Variants in INTS14 observed in about 807,000 individuals in gnomAD.
INTS14 encodes integrator complex subunit 14, also known as UPF0464 protein C15orf44.
In INTS14, 27 loss-of-function variants were observed where a neutral mutation model predicts 56.9. The ratio of observed to expected loss-of-function variants is 0.47; its 90% CI spans 0.35 to 0.65. The LOEUF (loss-of-function observed/expected upper bound fraction) is 0.65, where lower values mean the gene tolerates loss of function less well. Ranked by LOEUF, INTS14 falls within the 30% of genes least tolerant of loss-of-function variation. INTS14 has a pLI of 0.00. For missense variants in INTS14, 517 were observed against 632.2 expected (o/e 0.82, Z 1.95); for synonymous variants, 207 against 236.2 (o/e 0.88, Z 1.13).
At chr15:65,605,079 C>T in intron 3 of INTS14, 50 bp downstream of exon 3, 1 of 1,379,514 alleles carries the variant, frequency 7.2e-7, no homozygotes, top group South Asian at 1.2e-5. Context: ...CGAAGCACCT[C>T]AGTGGTTAAT....
At chr15:65,588,050 G>A (rs1265642036) in intron 9 of INTS14, among the ~76,000 whole-genome samples, 1 of 152,118 alleles carries the variant, frequency 6.6e-6, no homozygotes, top group Non-Finnish European at 1.5e-5. Flanking sequence ...CACTTTGGGA[G>A]GTCAAGGCGG....
At chr15:65,592,024 G>A (rs2073049862) in intron 8 of INTS14, among the ~76,000 whole-genome samples, 1 of 152,242 alleles carries the variant, frequency 6.6e-6, no homozygotes, top group African/African-American at 2.4e-5. Context: ...AGCTGGAGAG[G>A]TGATGAGGAG....
intron 7 of INTS14, 55 bp from the exon 8 acceptor site, chr15:65,593,627 C>T (rs1365277782): frequency 6.3e-7 from 1 of 1,577,792 alleles, no homozygotes; most frequent in African/African-American, 1.4e-5. Flanking sequence ...AAACCCCAAA[C>T]CCCAATTTAT....
At chr15:65,605,469 C>G (rs1164986784) in intron 2 of INTS14, among the ~76,000 whole-genome samples, 1 of 152,082 alleles carries the variant, frequency 6.6e-6, no homozygotes, top group African/African-American at 2.4e-5. Flanking sequence ...GAACAGTCCA[C>G]CAAGTTTACA....
At position 65,598,968 on chromosome 15, in the gene INTS14, T is replaced by G; in HGVS notation, c.509A>C (p.Glu170Ala). 1 of 1,613,756 alleles carries G rather than the reference T, an allele frequency of 6.2e-7. No homozygotes were observed. Among genetic ancestry groups the G allele is most frequent in the Non-Finnish European group, 8.5e-7 (1 of 1,179,828 alleles). Residue 170 changes from glutamate to alanine, a missense_variant, in exon 5 of 12, where the codon GAA becomes GCA. Physicochemically the swap from Glu to Ala is moderately radical, Grantham distance 107 (BLOSUM62 -1). Transcript: ENST00000313182. Reference sequence around the variant, plus strand: ...TAAATCTATGAGACGTTCAAGGCATTCCAAGGAATCGGTGCTCTGGAGCTA... The same window carrying G: ...TAAATCTATGAGACGTTCAAGGCATGCCAAGGAATCGGTGCTCTGGAGCTA... ...LEELQSTDSL[E>A]CLERLIDLNN...
chr15:65,580,468 T>C (rs1376769895), intron 11 of INTS14, among the ~76,000 whole-genome samples: 1 of 151,472 alleles, frequency 6.6e-6, no homozygotes, highest in African/African-American at 2.4e-5. Context: ...TAGGAAGCTC[T>C]GCAGGGAGGA....
intron 9 of INTS14, among the ~76,000 whole-genome samples, chr15:65,588,059 G>A (rs968938870): frequency 1.6e-4 from 24 of 151,596 alleles, no homozygotes; most frequent in Non-Finnish European, 2.8e-4. Context: ...AGGTCAAGGC[G>A]GGAGGATCAC....
intron 9 of INTS14, among the ~76,000 whole-genome samples, chr15:65,589,534 T>C (rs1245907486): frequency 6.6e-6 from 1 of 152,208 alleles, no homozygotes; most frequent in African/African-American, 2.4e-5. Flanking sequence ...CACTAAATTA[T>C]TGTGAGCAAT....
chr15:65,610,551 C>G, intron 1 of INTS14: 1 of 1,044,918 alleles, frequency 9.6e-7, no homozygotes. Flanking sequence ...CCTATTTGGC[C>G]TTGAATACCA....
Position 65,593,491 on chromosome 15 carries a change from T to C in INTS14, c.923A>G (p.Asn308Ser), listed in dbSNP as rs764737538. The C allele has an allele frequency of 1.9e-6, 3 of 1,613,946 alleles. No homozygotes were observed. Among genetic ancestry groups the C allele is most frequent in the Non-Finnish European group, 2.5e-6 (3 of 1,179,930 alleles). ...GCTACCATGGAGCAGGACACAAAAGTTGGGTATTTTGCCTGCAATCTGATT... is the reference window on the plus strand; with the variant it reads ...GCTACCATGGAGCAGGACACAAAAGCTGGGTATTTTGCCTGCAATCTGATT... Reference protein sequence around the residue: ...SANQIAGKIPNFCVLLHGSLK... With the variant: ...SANQIAGKIPSFCVLLHGSLK... The change falls in exon 8 of 12, where the codon AAC becomes AGC. Residue 308 changes from asparagine (N) to serine (S), a missense_variant. By Grantham distance (46) the Asn-to-Ser change is conservative. Coordinates refer to ENST00000313182, the MANE Select transcript of INTS14 (RefSeq NM_001394796.1).
intron 3 of INTS14, 86 bp downstream of exon 3, chr15:65,605,043 A>C (rs112524899): frequency 3.2e-6 from 3 of 943,288 alleles, no homozygotes; most frequent in Non-Finnish European, 5.2e-6. Context: ...ATTACAATGC[A>C]TGCTGTGTCA....
In INTS14 at chr15:65,601,220, AT is replaced by A. The variant is rs1351060435; in HGVS notation, c.331-1292del. ...AACAATGGATAGTAATTGCAAAATC[AT>A]TTTCCTTTTCTTCATTGCTTCAGAA... On this transcript the variant is annotated intron_variant, in intron 3 of 11. Coordinates refer to ENST00000313182, the MANE Select transcript of INTS14 (RefSeq NM_001394796.1). 4.6e-5 allele frequency among the ~76,000 whole-genome samples: 7 copies of A among 152,254 alleles called. No homozygotes were observed. In the South Asian group the frequency reaches 1.5e-3, roughly 32 times the overall value.
chr15:65,591,195 G>A (rs1202310532), intron 9 of INTS14, among the ~76,000 whole-genome samples: 5 of 151,900 alleles, frequency 3.3e-5, no homozygotes, highest in Non-Finnish European at 1.5e-5. Context: ...AGAAAAGTCC[G>A]CCAAAGAAAA....
intron 8 of INTS14, among the ~76,000 whole-genome samples, chr15:65,592,061 T>C (rs2073051927): frequency 6.6e-6 from 1 of 152,210 alleles, no homozygotes; most frequent in Non-Finnish European, 1.5e-5. Context: ...CTATAGGTCC[T>C]GTCACCTGCC....
chr15:65,582,140 G>A (rs960776283), intron 10 of INTS14, 121 bp from the exon 11 acceptor site: 60 of 833,008 alleles, frequency 7.2e-5, no homozygotes, highest in Non-Finnish European at 1.0e-4. Flanking sequence ...ACAATGTCAA[G>A]ATGAGGATCC....
intron 3 of INTS14, among the ~76,000 whole-genome samples, chr15:65,600,471 A>C (rs942700225): frequency 6.6e-6 from 1 of 151,242 alleles, no homozygotes; most frequent in African/African-American, 2.4e-5. Flanking sequence ...TCTACAAAAA[A>C]TACAAGAATT....
chr15:65,595,905 G>T, intron 6 of INTS14, 80 bp from the exon 7 acceptor site: 1 of 1,107,724 alleles, frequency 9.0e-7, no homozygotes, highest in Non-Finnish European at 1.3e-6. Context: ...TTTCACAAAT[G>T]CACTGTTTAG....
intron 3 of INTS14, among the ~76,000 whole-genome samples, chr15:65,602,742 A>G (rs2073486860): frequency 6.6e-6 from 1 of 151,002 alleles, no homozygotes; most frequent in Non-Finnish European, 1.5e-5. Context: ...TTGGCTGACC[A>G]GTGCAACCTC....
At chr15:65,606,885 T>C (rs906552900) in intron 2 of INTS14, among the ~76,000 whole-genome samples, 1 of 152,178 alleles carries the variant, frequency 6.6e-6, no homozygotes, top group Non-Finnish European at 1.5e-5. Context: ...AATGGAACAC[T>C]ACATCCTGAG....
Sources: gnomAD v4.1 joint callset for allele counts (sites outside exome capture counted in the v4.1 genomes callset) on GRCh38, gnomAD v4.1.1 for gene constraint, MANE v1.5 for transcripts, NCBI Gene and HGNC (gene_info 2026-07-23, HGNC 2026-07-21) for gene names.